Variants in SLC9A9 observed in about 807,000 individuals in gnomAD.
The protein encoded by SLC9A9 is sodium/hydrogen exchanger 9.
A neutral mutation model predicts 77.8 loss-of-function variants in SLC9A9; 62 were observed. The observed-to-expected ratio is 0.80, with a 90% CI of 0.65 to 0.98. The LOEUF is 0.98. Among genes scored for constraint, SLC9A9 ranks in the 50% least tolerant of loss-of-function variants. The probability of loss-of-function intolerance (pLI) is 0.00; values close to 1 mark genes in which losing one functional copy is unlikely to be tolerated. For synonymous variants in SLC9A9, 320 were observed against 283.5 expected (o/e 1.13, Z -1.29); for missense variants, 775 against 774.9 (o/e 1.00, Z 0.00).
At chr3:143,841,387 G>A (rs564775941) in intron 1 of SLC9A9, among the ~76,000 whole-genome samples, 12 of 152,144 alleles carry the variant, frequency 7.9e-5, no homozygotes, top group South Asian at 2.1e-4. Context: ...GATTAAATGC[G>A]TTAATATATG....
At chr3:143,568,703 C>A (rs79743312) in intron 8 of SLC9A9, among the ~76,000 whole-genome samples, 2,986 of 152,172 alleles carry the variant, frequency 0.02, 97 homozygotes, top group African/African-American at 0.069. Context: ...TTCCACTGCT[C>A]GAACGATATT....
intron 12 of SLC9A9, among the ~76,000 whole-genome samples, chr3:143,407,806 A>T (rs1050594214): frequency 7.2e-5 from 11 of 152,260 alleles, no homozygotes; most frequent in Admixed American, 6.5e-5. Flanking sequence ...TGAAATTTTA[A>T]TATGCATACT....
At chr3:143,295,889 A>G (rs1264287332) in intron 14 of SLC9A9, among the ~76,000 whole-genome samples, 4 of 150,904 alleles carry the variant, frequency 2.7e-5, no homozygotes, top group Non-Finnish European at 4.4e-5. Flanking sequence ...ACAGCCTTTC[A>G]CACAGCTGCT....
chr3:143,480,970 T>C (rs984414426), intron 11 of SLC9A9, among the ~76,000 whole-genome samples: 7 of 152,196 alleles, frequency 4.6e-5, no homozygotes, highest in Admixed American at 6.5e-5. Context: ...CTAACTCTTG[T>C]AGATAAATTT....
chr3:143,432,867 C>T (rs2034547556), intron 12 of SLC9A9, among the ~76,000 whole-genome samples: 1 of 152,180 alleles, frequency 6.6e-6, no homozygotes, highest in Non-Finnish European at 1.5e-5. Context: ...ACCTCATGAT[C>T]CCCCCACCTT....
intron 6 of SLC9A9, among the ~76,000 whole-genome samples, chr3:143,615,751 T>G (rs904154721): frequency 6.6e-6 from 1 of 152,148 alleles, no homozygotes; most frequent in African/African-American, 2.4e-5. Context: ...GCAGGAGGTA[T>G]ATATGATTAT....
chr3:143,793,333 G>C (rs150392921), intron 4 of SLC9A9, among the ~76,000 whole-genome samples: 1,539 of 152,252 alleles, frequency 0.01, 27 homozygotes, highest in African/African-American at 0.035. Flanking sequence ...GATTTTTCAT[G>C]ATAGTGAAAG....
At chr3:143,422,084 A>C (rs1408785258) in intron 12 of SLC9A9, among the ~76,000 whole-genome samples, 1 of 152,166 alleles carries the variant, frequency 6.6e-6, no homozygotes, top group East Asian at 1.9e-4. Context: ...GACAAACAAA[A>C]ACAAAAACAA....
intron 12 of SLC9A9, among the ~76,000 whole-genome samples, chr3:143,402,963 T>C (rs2033897898): frequency 7.1e-6 from 1 of 140,222 alleles, no homozygotes; most frequent in South Asian, 2.4e-4. Flanking sequence ...AATATACATC[T>C]CAACTTCTTA....
Position 143,578,579 on chromosome 3 carries a change from G to T in SLC9A9, c.894+6C>A. On this transcript the variant is annotated splice_donor_region_variant and intron_variant, in intron 7 of 15. Transcript: ENST00000316549. ...TCCCAGCTTTCCACATACAGACAAA[G>T]GATATCAGTGCTGTGATGATGGCAT... is the stretch of plus-strand genomic sequence containing the variant. 1 of 1,613,830 alleles carries T rather than the reference G, an allele frequency of 6.2e-7. No individual in the cohort carries two copies. Among genetic ancestry groups the T allele is most frequent in the Non-Finnish European group, 8.5e-7 (1 of 1,179,788 alleles).
intron 9 of SLC9A9, among the ~76,000 whole-genome samples, chr3:143,497,656 A>G (rs1339673711): frequency 1.3e-5 from 2 of 152,198 alleles, no homozygotes; most frequent in African/African-American, 2.4e-5. Context: ...TCTGTATTCA[A>G]TCTCTCCCAA....
chr3:143,371,486 T>C (rs1205341381), intron 13 of SLC9A9, among the ~76,000 whole-genome samples: 2 of 152,048 alleles, frequency 1.3e-5, no homozygotes, highest in Non-Finnish European at 2.9e-5. Flanking sequence ...ACATAGCATA[T>C]CATAACAACT....
chr3:143,516,574 A>G (rs1314891486), intron 9 of SLC9A9, among the ~76,000 whole-genome samples: 2 of 152,184 alleles, frequency 1.3e-5, no homozygotes, highest in African/African-American at 4.8e-5. Context: ...TATTTATTTT[A>G]TAAAATTAAT....
intron 12 of SLC9A9, among the ~76,000 whole-genome samples, chr3:143,457,581 A>T (rs1474218821): frequency 2.0e-5 from 3 of 151,994 alleles, no homozygotes; most frequent in Non-Finnish European, 4.4e-5. Flanking sequence ...TTCTCTTCTA[A>T]TATAGGTTTT....
At position 143,375,662 on chromosome 3, in the gene SLC9A9, A is replaced by T. The variant is rs189951109; in HGVS notation, c.1524+6398T>A. Among the ~76,000 whole-genome samples, 134 of 152,340 alleles carry T rather than the reference A, an allele frequency of 8.8e-4. 1 individual carries two copies. Among genetic ancestry groups the T allele is most frequent in the African/African-American group, 3.1e-3 (127 of 41,582 alleles). ...AGACACATGAGCAAGCCTAGCTCAG[A>T]TCAGCAGTTATCTAGCAAATTGTAG... On this transcript the variant is annotated intron_variant, in intron 13 of 15. Transcript: ENST00000316549.
chr3:143,294,141 G>A (rs2030142534), intron 14 of SLC9A9, among the ~76,000 whole-genome samples: 1 of 152,110 alleles, frequency 6.6e-6, no homozygotes, highest in African/African-American at 2.4e-5. Flanking sequence ...ATTTAATCTA[G>A]GTGCTTTAAT....
intron 2 of SLC9A9, among the ~76,000 whole-genome samples, chr3:143,828,004 C>G (rs1257700687): frequency 6.6e-6 from 1 of 152,176 alleles, no homozygotes; most frequent in Non-Finnish European, 1.5e-5. Flanking sequence ...GTGCCCTGCC[C>G]TTCTCTGTCC....
chr3:143,403,610 G>A (rs1240636372), intron 12 of SLC9A9, among the ~76,000 whole-genome samples: 2 of 151,960 alleles, frequency 1.3e-5, no homozygotes, highest in African/African-American at 4.8e-5. Context: ...AGTTTTGCTG[G>A]GTATTGGCTT....
chr3:143,359,731 T>C (rs977052114), intron 14 of SLC9A9, among the ~76,000 whole-genome samples: 2 of 152,116 alleles, frequency 1.3e-5, no homozygotes, highest in Admixed American at 1.3e-4. Context: ...GAATTTGGTG[T>C]CTGGTTTGTA....
Sources: allele counts gnomAD v4.1 joint callset (sites outside exome capture counted in the v4.1 genomes callset), GRCh38; gene constraint gnomAD v4.1.1; transcripts MANE v1.5; gene names NCBI Gene and HGNC (gene_info 2026-07-23, HGNC 2026-07-21).